The following TMEM201 variants were observed in gnomAD, a reference collection of about 807,000 sequenced individuals.
TMEM201 encodes RP13-15M17.2.
TMEM201 carries 26 observed loss-of-function variants against 63.4 expected under a neutral mutation model. That is an observed-to-expected ratio of 0.41 (90% CI 0.30 to 0.57). The LOEUF is 0.57. Among genes scored for constraint, TMEM201 ranks in the 20% least tolerant of loss-of-function variants. The probability of loss-of-function intolerance (pLI) is 0.29; values close to 1 mark genes in which losing one functional copy is unlikely to be tolerated. For synonymous variants in TMEM201, 417 were observed against 421.6 expected (o/e 0.99, Z 0.14); for missense variants, 794 against 917.7 (o/e 0.87, Z 1.74).
intron 10 of TMEM201, 67 bp downstream of exon 10, chr1:9,611,957 G>C (rs868569866): frequency 6.8e-7 from 1 of 1,462,716 alleles, no homozygotes. Flanking sequence ...CTCCCCCAGG[G>C]GGGTCCAGAG....
In TMEM201 at chr1:9,613,950, C is replaced by T. The variant is rs1025247301; in HGVS notation, c.*867C>T. 1.3e-5 allele frequency: 2 copies of T among 152,356 alleles called. No homozygotes were observed. The highest frequency in any genetic ancestry group is 4.8e-5 in the African/African-American group (2 of 41,446). 9.4% of individuals were successfully genotyped at this position (152,356 alleles called of 1,614,324 possible). ...CACCTGCCTCCAGCCCCTGAGAACT[C>T]CATCTTCCCCTAGTTCTGCCCAGGA... is the stretch of plus-strand genomic sequence containing the variant. On this transcript the variant is annotated 3_prime_UTR_variant, in exon 11 of 11. Coordinates refer to ENST00000340381, the MANE Select transcript of TMEM201 (RefSeq NM_001130924.3).
At position 9,605,453 on chromosome 1, in the gene TMEM201, C is replaced by CGG. The variant is rs369041889; in HGVS notation, c.1161-2097_1161-2096dup. On this transcript the variant is annotated intron_variant, in intron 6 of 10. Coordinates refer to ENST00000340381, the MANE Select transcript of TMEM201 (RefSeq NM_001130924.3). The surrounding 1 kb of genome is among the most constrained non-coding windows in gnomAD (Gnocchi z 5.7). ...ACGTGGTTTGAGGGCACAGGGCAGT[C>CGG]GGGGGGGGTCTCTCGCCAAAGGAAA... 9.2e-5 allele frequency among the ~76,000 whole-genome samples: 14 copies of CGG among 151,638 alleles called. No individual in the cohort carries two copies. The highest frequency in any genetic ancestry group is 3.4e-4 in the African/African-American group (14 of 41,202).
rs951169820 is a variant in TMEM201, at chr1:9,613,142, G to A, written c.*59G>A. On this transcript the variant is annotated 3_prime_UTR_variant, in exon 11 of 11. Transcript: ENST00000340381. ...CGGTGCCTGCTGCTTCACCACTGCC[G>A]GCCTCAGGACCCTCCCTGGAGGGGC... 1.8e-4 allele frequency: 265 copies of A among 1,512,180 alleles called. No homozygotes were observed. Among genetic ancestry groups the A allele is most frequent in the Non-Finnish European group, 2.2e-4 (245 of 1,119,072 alleles). 93.7% of individuals were successfully genotyped at this position (1,512,180 alleles called of 1,614,324 possible). A position where few individuals can be genotyped will look rare whatever the true frequency, so the allele number is the denominator to read the frequency against.
At chr1:9,602,349 C>T in intron 6 of TMEM201, 77 bp downstream of exon 6, 1 of 1,556,510 alleles carries the variant, frequency 6.4e-7, no homozygotes, top group Non-Finnish European at 8.7e-7. Flanking sequence ...CCGAAGCGGG[C>T]CCCTCTCTGT....
rs1370786559 is a variant in TMEM201, at chr1:9,603,616, G to T, written c.1160+1344G>T. 1.0e-6 allele frequency: 1 copy of T among 985,354 alleles called. No homozygotes were observed. The highest frequency in any genetic ancestry group is 6.1e-5 in the Admixed American group (1 of 16,262). The allele number at this position is 985,354 out of a possible 1,614,324, so 61.0% of individuals were successfully genotyped here. On this transcript the variant is annotated intron_variant, in intron 6 of 10. Transcript: ENST00000340381. The surrounding 1 kb of genome is among the most constrained non-coding windows in gnomAD (Gnocchi z 4.5). ...CGGGGGAGGCAAGAGCAGATCACAG[G>T]TGCATGAGGGTTACACCCGTCACCT... is the stretch of plus-strand genomic sequence containing the variant.
Position 9,612,703 on chromosome 1 carries a change from TG to T in TMEM201, c.1904-282del, listed in dbSNP as rs753115130. 9.8e-5 allele frequency among the ~76,000 whole-genome samples: 15 copies of T among 152,286 alleles called. No homozygotes were observed. In the East Asian group the frequency reaches 2.7e-3, roughly 27 times the overall value. On this transcript the variant is annotated intron_variant, in intron 10 of 10. Transcript: ENST00000340381. ...TCTGTAAAGTGGCCATTGTGGTCAC[TG>T]CCTCATCACCCAGGCCCCAGCTCAT...
chr1:9,589,728 G>A (rs1005066528), intron 1 of TMEM201, among the ~76,000 whole-genome samples: 3 of 152,230 alleles, frequency 2.0e-5, no homozygotes, highest in Non-Finnish European at 4.4e-5. Context: ...CCATCGCCAG[G>A]CATAAAAGCT....
At position 9,602,226 on chromosome 1, in the gene TMEM201, G is replaced by C. The variant is rs1295346274; in HGVS notation, c.1114G>C (p.Val372Leu). 1 of 1,612,360 alleles carries C rather than the reference G, an allele frequency of 6.2e-7. No homozygotes were observed. Among genetic ancestry groups the C allele is most frequent in the African/African-American group, 1.3e-5 (1 of 74,920 alleles). ...LCCLVGFTAA[V>L]ATRKATGPRR... is the part of the protein sequence containing the mutation. ...CTGCCTGGTTGGCTTCACGGCGGCT[G>C]TGGCCACAAGGAAGGCAACGGGCCC... is the stretch of plus-strand genomic sequence containing the variant. The change falls in exon 6 of 11, where the codon GTG (valine) becomes CTG (leucine). Residue 372 changes from valine (V) to leucine (L), a missense_variant. Coordinates refer to ENST00000340381, the MANE Select transcript of TMEM201 (RefSeq NM_001130924.3).
chr1:9,593,934 C>A (rs964692500), intron 1 of TMEM201, among the ~76,000 whole-genome samples: 1 of 152,248 alleles, frequency 6.6e-6, no homozygotes, highest in African/African-American at 2.4e-5. Context: ...GGGAAGTCCA[C>A]GTGCTTAGTT....
intron 4 of TMEM201, 56 bp downstream of exon 4, chr1:9,598,681 C>T (rs1644073744): frequency 2.6e-6 from 4 of 1,563,272 alleles, no homozygotes; most frequent in Non-Finnish European, 3.5e-6. Flanking sequence ...TTCAGGAAAC[C>T]CTCCCAGGAG....
At chr1:9,595,577 G>A (rs547494222) in intron 1 of TMEM201, among the ~76,000 whole-genome samples, 1 of 152,204 alleles carries the variant, frequency 6.6e-6, no homozygotes, top group African/African-American at 2.4e-5. Context: ...GTCCCCGTGC[G>A]GCCGCACTGG....
Position 9,613,350 on chromosome 1 carries a change from C to G in TMEM201, c.*267C>G. 1 of 537,088 alleles carries G rather than the reference C, an allele frequency of 1.9e-6. No individual in the cohort carries two copies. The highest frequency in any genetic ancestry group is 2.3e-5 in the South Asian group (1 of 43,878). 33.3% of individuals were successfully genotyped at this position (537,088 alleles called of 1,614,324 possible). A position where few individuals can be genotyped will look rare whatever the true frequency, so the allele number is the denominator to read the frequency against. ...TGGTGCTGACACTCTGATCCCGAAG[C>G]CAGGGAGCCCCAAGGGGCTGCATGA... On this transcript the variant is annotated 3_prime_UTR_variant, in exon 11 of 11. Coordinates refer to ENST00000340381, the MANE Select transcript of TMEM201 (RefSeq NM_001130924.3).
chr1:9,614,687 G>A lies in TMEM201; in HGVS notation c.*1604G>A, dbSNP rs570314079. ...AAATGCACTCCATCTCTGGCTCTGA[G>A]GGCGCTCCCTCCTCTCAGCCGGGCA... On this transcript the variant is annotated 3_prime_UTR_variant, in exon 11 of 11. Coordinates refer to ENST00000340381, the MANE Select transcript of TMEM201 (RefSeq NM_001130924.3). 3 of 152,206 alleles carry A rather than the reference G, an allele frequency of 2.0e-5. No individual in the cohort carries two copies. Among genetic ancestry groups the A allele is most frequent in the Non-Finnish European group, 4.4e-5 (3 of 68,052 alleles). 9.4% of individuals were successfully genotyped at this position (152,206 alleles called of 1,614,324 possible).
Position 9,614,584 on chromosome 1 carries a change from T to G in TMEM201, c.*1501T>G, listed in dbSNP as rs1644365359. 6.6e-6 allele frequency: 1 copy of G among 152,150 alleles called. No individual in the cohort carries two copies. Among genetic ancestry groups the G allele is most frequent in the Non-Finnish European group, 1.5e-5 (1 of 68,024 alleles). 9.4% of individuals were successfully genotyped at this position (152,150 alleles called of 1,614,324 possible). ...GTTCCAACTCGGAGGCAGCGCCTCT[T>G]GGTCCCCATTTCTGTATAGCAGGCG... On this transcript the variant is annotated 3_prime_UTR_variant, in exon 11 of 11. Transcript: ENST00000340381.
At chr1:9,612,953 A>G (rs1015953139) in intron 10 of TMEM201, 33 bp from the exon 11 acceptor site, 3 of 1,548,310 alleles carry the variant, frequency 1.9e-6, no homozygotes, top group Non-Finnish European at 2.6e-6. Flanking sequence ...CCACCCACCC[A>G]AACAATGTTC....
rs370911925 is a variant in TMEM201, at chr1:9,603,894, C to T, written c.1160+1622C>T. ...GCTCAGCTTGTTGTTCTGTGTGGAG[C>T]GTGAGGTGAGAAAACCCCTCTGAAA... is the stretch of plus-strand genomic sequence containing the variant. On this transcript the variant is annotated intron_variant, in intron 6 of 10. Transcript: ENST00000340381. The surrounding 1 kb of genome is among the most constrained non-coding windows in gnomAD (Gnocchi z 4.5). 7 of 985,326 alleles carry T rather than the reference C, an allele frequency of 7.1e-6. No homozygotes were observed. The highest frequency in any genetic ancestry group is 1.2e-4 in the Admixed American group (2 of 16,266). 61.0% of individuals were successfully genotyped at this position (985,326 alleles called of 1,614,324 possible).
In TMEM201 at chr1:9,607,662, G is replaced by T; in HGVS notation, c.1266G>T (p.Pro422=). 6.4e-7 allele frequency: 1 copy of T among 1,551,740 alleles called. No individual in the cohort carries two copies. The highest frequency in any genetic ancestry group is 8.7e-7 in the Non-Finnish European group (1 of 1,147,068). The part of the protein sequence containing the change: ...GSPASLFIPS[P]PSFLPLANQQ... ...CAGCGTCTCTGTTCATCCCCAGCCCGCCCAGCTTCCTGCCCCTCGCCAACC... is the reference window on the plus strand; with the variant it reads ...CAGCGTCTCTGTTCATCCCCAGCCCTCCCAGCTTCCTGCCCCTCGCCAACC... The change falls in exon 7 of 11, where the codon CCG becomes CCT. Residue 422 remains proline, a synonymous_variant. Coordinates refer to ENST00000340381, the MANE Select transcript of TMEM201 (RefSeq NM_001130924.3). The surrounding 1 kb of genome is among the most constrained non-coding windows in gnomAD (Gnocchi z 5.4).
intron 7 of TMEM201, among the ~76,000 whole-genome samples, chr1:9,609,118 G>A (rs908653826): frequency 6.6e-6 from 1 of 152,146 alleles, no homozygotes; most frequent in Non-Finnish European, 1.5e-5. Flanking sequence ...GCAGGAAGAC[G>A]GCCTCTCCCA....
rs540075345 is a variant in TMEM201 at position 9,603,407 on chromosome 1, C to T, written c.1160+1135C>T. On this transcript the variant is annotated intron_variant, in intron 6 of 10. Transcript: ENST00000340381. The surrounding 1 kb of genome is among the most constrained non-coding windows in gnomAD (Gnocchi z 4.5). Reference sequence around the variant, plus strand: ...GCCACGTGCAGAGGAAGTTCCCGGCCTGGGGGCTTTATCCAGGGGTCCCAG... The same window carrying T: ...GCCACGTGCAGAGGAAGTTCCCGGCTTGGGGGCTTTATCCAGGGGTCCCAG... 1.1e-5 allele frequency: 11 copies of T among 985,552 alleles called. No individual in the cohort carries two copies. The South Asian group carries it at 4.7e-4, about 42-fold the overall frequency. 61.1% of individuals were successfully genotyped at this position (985,552 alleles called of 1,614,324 possible).
Sources: gnomAD v4.1 joint callset for allele counts (sites outside exome capture counted in the v4.1 genomes callset) on GRCh38, gnomAD v4.1.1 for gene constraint, Gnocchi (gnomAD v3.1) non-coding constraint, MANE v1.5 for transcripts, NCBI Gene and HGNC (gene_info 2026-07-23, HGNC 2026-07-21) for gene names.